Variants in AKAP19 observed in about 807,000 individuals in gnomAD.
The protein encoded by AKAP19 is A-kinase anchoring protein 19, also known as small A-kinase anchoring protein.
chr2:190,062,642 T>G, the AKAP19 span: 2 of 1,585,728 alleles, frequency 1.3e-6, no homozygotes, highest in East Asian at 2.2e-5. Context: ...TGTTTCTTCC[T>G]TTTACTTTTC....
chr2:190,065,829 TGAA>T, the AKAP19 span, among the ~76,000 whole-genome samples: 1 of 152,104 alleles, frequency 6.6e-6, no homozygotes, highest in Non-Finnish European at 1.5e-5. Flanking sequence ...ATTGAATGGG[TGAA>T]GAAGAACTGA....
chr2:190,100,278 A>T, the AKAP19 span, among the ~76,000 whole-genome samples: 9 of 152,224 alleles, frequency 5.9e-5, no homozygotes, highest in African/African-American at 1.9e-4. Flanking sequence ...TGCCATGCCA[A>T]GATGGGGAGT....
the AKAP19 span, among the ~76,000 whole-genome samples, chr2:189,882,300 T>A: frequency 6.6e-6 from 1 of 152,194 alleles, no homozygotes; most frequent in Admixed American, 6.6e-5. Flanking sequence ...TGAGAACATA[T>A]CTCAATCAAT....
the AKAP19 span, among the ~76,000 whole-genome samples, chr2:189,972,571 G>T: frequency 6.6e-6 from 1 of 152,166 alleles, no homozygotes; most frequent in Non-Finnish European, 1.5e-5. Context: ...ATTACCTTGG[G>T]CAGTATGGCC....
the AKAP19 span, among the ~76,000 whole-genome samples, chr2:189,936,801 T>G: frequency 1.3e-5 from 2 of 152,108 alleles, no homozygotes; most frequent in Admixed American, 1.3e-4. Context: ...AACTACATAC[T>G]ATGTGATTCC....
the AKAP19 span, among the ~76,000 whole-genome samples, chr2:190,077,724 G>A: frequency 6.6e-6 from 1 of 152,188 alleles, no homozygotes; most frequent in African/African-American, 2.4e-5. Context: ...TACAGCTGAA[G>A]TTTGTTGTCT....
chr2:190,137,093 T>C, the AKAP19 span, among the ~76,000 whole-genome samples: 6 of 152,222 alleles, frequency 3.9e-5, no homozygotes, highest in African/African-American at 1.4e-4. Context: ...AATCAAACTT[T>C]TAAAATTGTC....
the AKAP19 span, among the ~76,000 whole-genome samples, chr2:190,196,886 G>C: frequency 3.3e-5 from 5 of 152,172 alleles, no homozygotes; most frequent in African/African-American, 7.2e-5. Context: ...CAAAATACCA[G>C]AGACTAGTAT....
At chr2:190,063,227 A>T in the AKAP19 span, among the ~76,000 whole-genome samples, 1 of 152,136 alleles carries the variant, frequency 6.6e-6, no homozygotes, top group Admixed American at 6.6e-5. Flanking sequence ...TTAAAAGTTA[A>T]GATTATGATA....
At chr2:189,967,694 G>T in the AKAP19 span, among the ~76,000 whole-genome samples, 1 of 151,894 alleles carries the variant, frequency 6.6e-6, no homozygotes, top group South Asian at 2.1e-4. Context: ...CACACCTGTA[G>T]TCCCAGCTAC....
the AKAP19 span, among the ~76,000 whole-genome samples, chr2:189,951,836 A>G: frequency 2.0e-5 from 3 of 152,220 alleles, no homozygotes; most frequent in Non-Finnish European, 4.4e-5. Context: ...AGAAATAGCA[A>G]ATGCAGGAAG....
At chr2:189,985,762 G>C in the AKAP19 span, among the ~76,000 whole-genome samples, 2 of 152,164 alleles carry the variant, frequency 1.3e-5, no homozygotes, top group Admixed American at 1.3e-4. Flanking sequence ...CCAAATTTCT[G>C]ATCTACCGAC....
chr2:189,985,192 C>A, the AKAP19 span, among the ~76,000 whole-genome samples: 37 of 152,180 alleles, frequency 2.4e-4, no homozygotes, highest in African/African-American at 8.7e-4. Flanking sequence ...TTTTCTGCAT[C>A]CCAACTTCTT....
At chr2:190,152,713 T>C in the AKAP19 span, among the ~76,000 whole-genome samples, 7 of 152,218 alleles carry the variant, frequency 4.6e-5, no homozygotes, top group Non-Finnish European at 7.3e-5. Context: ...AACTTATCAA[T>C]GTAATACAAC....
chr2:189,985,915 T>TA, the AKAP19 span, among the ~76,000 whole-genome samples: 3 of 152,054 alleles, frequency 2.0e-5, no homozygotes, highest in African/African-American at 7.2e-5. Context: ...TGTATAAAAA[T>TA]AAAAAAATTA....
chr2:189,972,509 T>C, the AKAP19 span, among the ~76,000 whole-genome samples: 1 of 152,240 alleles, frequency 6.6e-6, no homozygotes, highest in African/African-American at 2.4e-5. Flanking sequence ...TTTTTTCCAA[T>C]TCTGCAAAGA....
At chr2:190,068,457 G>A in the AKAP19 span, among the ~76,000 whole-genome samples, 1 of 152,154 alleles carries the variant, frequency 6.6e-6, no homozygotes, top group Non-Finnish European at 1.5e-5. Flanking sequence ...AGCCTCCTGA[G>A]TAGCTGGGAT....
chr2:190,027,718 A>G, the AKAP19 span, among the ~76,000 whole-genome samples: 2 of 152,198 alleles, frequency 1.3e-5, no homozygotes, highest in African/African-American at 4.8e-5. Flanking sequence ...GTTATGTGAA[A>G]CTGATATAAA....
the AKAP19 span, among the ~76,000 whole-genome samples, chr2:189,887,519 G>T: frequency 6.6e-6 from 1 of 152,128 alleles, no homozygotes; most frequent in African/African-American, 2.4e-5. Context: ...TGGGTCAAAT[G>T]GTATTTCTGG....
Sources: gnomAD v4.1 joint callset for allele counts (sites outside exome capture counted in the v4.1 genomes callset) on GRCh38, gnomAD v4.1.1 for gene constraint, MANE v1.5 for transcripts, NCBI Gene and HGNC (gene_info 2026-07-23, HGNC 2026-07-21) for gene names.